Variants in IMMP2L observed in about 807,000 individuals in gnomAD.
IMMP2L encodes the protein mitochondrial inner membrane protease subunit 2.
In IMMP2L, 18 loss-of-function variants were observed where a neutral mutation model predicts 19.3. That is an observed-to-expected ratio of 0.93 (90% CI 0.64 to 1.38). The LOEUF (loss-of-function observed/expected upper bound fraction) is 1.38, where lower values mean the gene tolerates loss of function less well. Among genes scored for constraint, IMMP2L ranks in the 40% most tolerant of loss-of-function variants. The pLI, the probability that IMMP2L is intolerant of heterozygous loss-of-function variation, is 0.00. For missense variants in IMMP2L, 233 were observed against 218.2 expected (o/e 1.07, Z -0.43); for synonymous variants, 76 against 73.0 (o/e 1.04, Z -0.21).
chr7:111,275,790 T>C (rs917714588), intron 3 of IMMP2L, among the ~76,000 whole-genome samples: 2 of 152,136 alleles, frequency 1.3e-5, no homozygotes, highest in African/African-American at 4.8e-5. Context: ...TCCTAGGCAT[T>C]TTTTAATAGC....
At chr7:111,488,905 G>A (rs1370604871) in intron 2 of IMMP2L, among the ~76,000 whole-genome samples, 1 of 152,074 alleles carries the variant, frequency 6.6e-6, no homozygotes, top group African/African-American at 2.4e-5. Flanking sequence ...TCTTGCAGGA[G>A]TGAGGTAGTA....
chr7:110,734,651 A>C (rs1796495729), intron 5 of IMMP2L, among the ~76,000 whole-genome samples: 1 of 152,186 alleles, frequency 6.6e-6, no homozygotes, highest in Admixed American at 6.5e-5. Flanking sequence ...GGATGGATAA[A>C]AGTGAAAGAG....
chr7:110,675,116 C>G (rs1352023791), intron 5 of IMMP2L, among the ~76,000 whole-genome samples: 2 of 151,974 alleles, frequency 1.3e-5, no homozygotes, highest in Non-Finnish European at 2.9e-5. Flanking sequence ...TTTTCTTGAC[C>G]TCCCACCTTT....
In IMMP2L at chr7:111,484,893, C is replaced by T. The variant is rs188417263; in HGVS notation, c.239+2345G>A. On this transcript the variant is annotated intron_variant, in intron 3 of 5. Transcript: ENST00000405709. ...TCTCGACCTCCCAGGCTCAATCGATCTTCCTACCTCAGCCTCCCAGGTAGC... is the reference window on the plus strand; with the variant it reads ...TCTCGACCTCCCAGGCTCAATCGATTTTCCTACCTCAGCCTCCCAGGTAGC... Among the ~76,000 whole-genome samples, 1,233 of 152,134 alleles carry T rather than the reference C, an allele frequency of 8.1e-3. 18 individuals are homozygous for T. Among genetic ancestry groups the T allele is most frequent in the Non-Finnish European group, 6.9e-3 (472 of 67,976 alleles).
intron 3 of IMMP2L, among the ~76,000 whole-genome samples, chr7:111,131,810 G>A (rs991063153): frequency 4.6e-5 from 7 of 151,310 alleles, no homozygotes; most frequent in African/African-American, 1.2e-4. Flanking sequence ...GAAAACATAC[G>A]AACTATATAT....
chr7:111,392,313 G>A (rs1429604149), intron 3 of IMMP2L, among the ~76,000 whole-genome samples: 1 of 152,126 alleles, frequency 6.6e-6, no homozygotes, highest in African/African-American at 2.4e-5. Context: ...ATGTACAGAA[G>A]CTACAATAAA....
intron 3 of IMMP2L, among the ~76,000 whole-genome samples, chr7:111,412,437 A>G (rs898975774): frequency 6.6e-6 from 1 of 151,862 alleles, no homozygotes; most frequent in Non-Finnish European, 1.5e-5. Flanking sequence ...GAAATCACTC[A>G]AAGTACTTTC....
Position 110,867,569 on chromosome 7 carries a change from A to G in IMMP2L, c.408+19024T>C, listed in dbSNP as rs144384623. Among the ~76,000 whole-genome samples, 40 of 152,170 alleles carry G rather than the reference A, an allele frequency of 2.6e-4. No homozygotes were observed. The East Asian group carries it at 7.2e-3, about 27-fold the overall frequency. On this transcript the variant is annotated intron_variant, in intron 5 of 5. Coordinates refer to ENST00000405709, the MANE Select transcript of IMMP2L (RefSeq NM_032549.4). ...TGTGGGGACCTGAAAGATGATAAATAACATGACTATTACCAAGAAAAGTCC... is the reference window on the plus strand; with the variant it reads ...TGTGGGGACCTGAAAGATGATAAATGACATGACTATTACCAAGAAAAGTCC...
At chr7:111,227,648 C>G (rs928460382) in intron 3 of IMMP2L, among the ~76,000 whole-genome samples, 2 of 152,018 alleles carry the variant, frequency 1.3e-5, no homozygotes, top group African/African-American at 4.8e-5. Flanking sequence ...AAAGCTACTC[C>G]CATACTCTGC....
chr7:111,329,699 C>T (rs1471686956), intron 3 of IMMP2L, among the ~76,000 whole-genome samples: 2 of 151,684 alleles, frequency 1.3e-5, no homozygotes, highest in Non-Finnish European at 2.9e-5. Flanking sequence ...GGAAACTATA[C>T]ATTAGAGAGA....
chr7:111,232,495 G>A (rs1256445639), intron 3 of IMMP2L, among the ~76,000 whole-genome samples: 2 of 151,640 alleles, frequency 1.3e-5, no homozygotes, highest in Admixed American at 1.3e-4. Flanking sequence ...GGCCAGTCCT[G>A]AGGTTAGCTA....
chr7:110,888,479 A>G (rs1274499868), intron 4 of IMMP2L, among the ~76,000 whole-genome samples: 2 of 152,206 alleles, frequency 1.3e-5, no homozygotes, highest in Non-Finnish European at 2.9e-5. Flanking sequence ...GTCTCTTCAA[A>G]TAACCATTCA....
At chr7:111,274,138 C>A (rs1204466016) in intron 3 of IMMP2L, among the ~76,000 whole-genome samples, 1 of 151,870 alleles carries the variant, frequency 6.6e-6, no homozygotes, top group Non-Finnish European at 1.5e-5. Context: ...CAATGTAAAT[C>A]CAAATAAAAT....
At chr7:110,744,444 C>T (rs1369341126) in intron 5 of IMMP2L, among the ~76,000 whole-genome samples, 1 of 152,212 alleles carries the variant, frequency 6.6e-6, no homozygotes, top group Non-Finnish European at 1.5e-5. Flanking sequence ...CCCTGTGTAT[C>T]CTGACTAGGA....
rs150557792 is a variant in IMMP2L, at chr7:111,240,211, A to G, written c.239+247027T>C. ...TCTTCTAGTCAAAAATCAATGTCAC[A>G]CTAGGCTATAATGAATGGCTGCTTG... On this transcript the variant is annotated intron_variant, in intron 3 of 5. Coordinates refer to ENST00000405709, the MANE Select transcript of IMMP2L (RefSeq NM_032549.4). 1.4e-3 allele frequency among the ~76,000 whole-genome samples: 211 copies of G among 152,094 alleles called. 1 individual carries two copies. Among genetic ancestry groups the G allele is most frequent in the African/African-American group, 4.8e-3 (201 of 41,564 alleles).
intron 3 of IMMP2L, among the ~76,000 whole-genome samples, chr7:111,017,833 A>G (rs1825863547): frequency 6.6e-6 from 1 of 152,216 alleles, no homozygotes; most frequent in African/African-American, 2.4e-5. Context: ...GAGAAACTAC[A>G]GAGACAATGT....
At position 110,760,529 on chromosome 7, in the gene IMMP2L, A is replaced by T. The variant is rs559785138; in HGVS notation, c.409-96808T>A. On this transcript the variant is annotated intron_variant, in intron 5 of 5. Transcript: ENST00000405709. This position sits in a 1 kb window ranked among gnomAD's most constrained non-coding sequence, Gnocchi z 4.2. ...ATTACTCACTGCTTTCAGCTTATAT[A>T]AAAGAGTTTTTGTTGTCCCCAACTC... 7.2e-4 allele frequency among the ~76,000 whole-genome samples: 110 copies of T among 152,202 alleles called. 1 individual carries two copies. The highest frequency in any genetic ancestry group is 2.5e-3 in the African/African-American group (103 of 41,548).
At chr7:111,037,457 T>G (rs183055411) in intron 3 of IMMP2L, among the ~76,000 whole-genome samples, 1 of 152,230 alleles carries the variant, frequency 6.6e-6, no homozygotes, top group East Asian at 1.9e-4. Context: ...TAAAGCACAC[T>G]TCAGATGCAT....
At chr7:111,388,384 G>T (rs1831997451) in intron 3 of IMMP2L, among the ~76,000 whole-genome samples, 1 of 152,068 alleles carries the variant, frequency 6.6e-6, no homozygotes, top group South Asian at 2.1e-4. Context: ...TACAAAAAGG[G>T]GAAGGAAGAA....
Sources: allele counts gnomAD v4.1 joint callset (sites outside exome capture counted in the v4.1 genomes callset), GRCh38; gene constraint gnomAD v4.1.1; non-coding constraint Gnocchi (gnomAD v3.1); transcripts MANE v1.5; gene names NCBI Gene and HGNC (gene_info 2026-07-23, HGNC 2026-07-21).